The following ERC2 variants were observed in gnomAD, a reference collection of about 807,000 sequenced individuals.
ERC2 encodes ELKS/RAB6-interacting/CAST family member 2, also known as ERC protein 2.
Under a neutral mutation model 114.8 loss-of-function variants are expected in ERC2, and 42 were observed. That is an observed-to-expected ratio of 0.37 (90% CI 0.29 to 0.47). The LOEUF (loss-of-function observed/expected upper bound fraction) is 0.47. Among genes scored for constraint, ERC2 ranks in the 20% least tolerant of loss-of-function variants. ERC2 has a pLI of 0.99. For synonymous variants in ERC2, 454 were observed against 425.5 expected (o/e 1.07, Z -0.82); for missense variants, 939 against 1,150.7 (o/e 0.82, Z 2.66).
intron 3 of ERC2, among the ~76,000 whole-genome samples, chr3:56,229,030 A>G (rs1342008818): frequency 6.6e-6 from 1 of 152,180 alleles, no homozygotes; most frequent in Non-Finnish European, 1.5e-5. Flanking sequence ...GCATAATTTT[A>G]CAGAATGCTT....
At chr3:55,881,709 T>A (rs986102248) in intron 14 of ERC2, among the ~76,000 whole-genome samples, 38 of 152,212 alleles carry the variant, frequency 2.5e-4, no homozygotes, top group African/African-American at 8.9e-4. Flanking sequence ...CTTTTGTTAC[T>A]GGAATGTAAG....
chr3:55,864,401 A>G (rs1217601335), intron 14 of ERC2, among the ~76,000 whole-genome samples: 1 of 151,748 alleles, frequency 6.6e-6, no homozygotes, highest in Non-Finnish European at 1.5e-5. Flanking sequence ...AAAGATTTCA[A>G]GAGAGGAGTT....
intron 17 of ERC2, among the ~76,000 whole-genome samples, chr3:55,593,199 A>T (rs2057979648): frequency 6.6e-6 from 1 of 152,182 alleles, no homozygotes. Context: ...GTGGGAGAAG[A>T]CACTGTGTTT....
intron 3 of ERC2, among the ~76,000 whole-genome samples, chr3:56,222,389 G>A (rs1462782384): frequency 6.6e-6 from 1 of 152,106 alleles, no homozygotes; most frequent in East Asian, 1.9e-4. Flanking sequence ...TGCAGAGAAT[G>A]TCCCCCTTCA....
intron 7 of ERC2, among the ~76,000 whole-genome samples, chr3:56,025,386 T>C (rs2073975926): frequency 6.6e-6 from 1 of 152,174 alleles, no homozygotes; most frequent in South Asian, 2.1e-4. Flanking sequence ...CTCACAAAGC[T>C]AATATAAAGG....
chr3:55,596,473 G>T (rs1417140214), intron 17 of ERC2, among the ~76,000 whole-genome samples: 1 of 152,164 alleles, frequency 6.6e-6, no homozygotes, highest in Non-Finnish European at 1.5e-5. Flanking sequence ...CAGCAACTTG[G>T]GAGGCTGAGG....
intron 17 of ERC2, among the ~76,000 whole-genome samples, chr3:55,672,438 G>A (rs1031715398): frequency 6.6e-6 from 1 of 151,872 alleles, no homozygotes; most frequent in Non-Finnish European, 1.5e-5. Context: ...AGCTGGCCAA[G>A]AGTCACATGT....
At chr3:55,518,257 G>A (rs1053963019) in intron 17 of ERC2, among the ~76,000 whole-genome samples, 2 of 152,174 alleles carry the variant, frequency 1.3e-5, no homozygotes, top group African/African-American at 4.8e-5. Flanking sequence ...TGGTAGATAT[G>A]TACAGTATAT....
At chr3:55,955,844 G>A (rs186086798) in intron 12 of ERC2, among the ~76,000 whole-genome samples, 2 of 152,314 alleles carry the variant, frequency 1.3e-5, no homozygotes, top group Admixed American at 6.5e-5. Context: ...GGAGAGCAGT[G>A]GCTAAACCTC....
chr3:56,428,558 A>AGGGAGGGAAGGAGG (rs1553627247), intron 2 of ERC2, among the ~76,000 whole-genome samples: 1 of 64,258 alleles, frequency 1.6e-5, no homozygotes, highest in Non-Finnish European at 3.1e-5. Context: ...GAAGGAAGGG[A>AGGGAGGGAAGGAGG]GGGAGGGAGG....
chr3:56,213,976 A>G (rs1406394741), intron 3 of ERC2, among the ~76,000 whole-genome samples: 1 of 152,226 alleles, frequency 6.6e-6, no homozygotes, highest in Non-Finnish European at 1.5e-5. Context: ...ACAAACAGAA[A>G]GGACATCCAC....
intron 6 of ERC2, among the ~76,000 whole-genome samples, chr3:56,108,412 T>C (rs2078783646): frequency 6.6e-6 from 1 of 152,166 alleles, no homozygotes. Flanking sequence ...AAAGATAATA[T>C]TATTTGCCTT....
chr3:55,729,867 T>TAAAAAAAAAA lies in ERC2; in HGVS notation c.2712+4903_2712+4904insTTTTTTTTTT, dbSNP rs2065148489. Among the ~76,000 whole-genome samples, 3 of 42,012 alleles carry TAAAAAAAAAA rather than the reference T, an allele frequency of 7.1e-5. 1 individual carries two copies. The highest frequency in any genetic ancestry group is 3.2e-4 in the African/African-American group (3 of 9,352). 27.6% of individuals were successfully genotyped at this position (42,012 alleles called of 152,430 possible). ...AAAAAAAAAAAAAAAAAAAAAAAAT[T>TAAAAAAAAAA]GTAAGCTACACAAGGAAGCGGTCTT... On this transcript the variant is annotated intron_variant, in intron 15 of 17. Transcript: ENST00000288221.
intron 13 of ERC2, among the ~76,000 whole-genome samples, chr3:55,941,302 C>T (rs1242375871): frequency 6.6e-6 from 1 of 152,156 alleles, no homozygotes. Flanking sequence ...ATGCACTGCC[C>T]TGATGCCCCT....
chr3:55,578,999 G>T (rs2057125304), intron 17 of ERC2, among the ~76,000 whole-genome samples: 1 of 152,200 alleles, frequency 6.6e-6, no homozygotes, highest in South Asian at 2.1e-4. Flanking sequence ...CTTAGGCTGG[G>T]AAGTGGCGTA....
chr3:55,614,762 G>A lies in ERC2; in HGVS notation c.*39+69032C>T, dbSNP rs569481194. Among the ~76,000 whole-genome samples, 3 of 152,236 alleles carry A rather than the reference G, an allele frequency of 2.0e-5. No homozygotes were observed. In the South Asian group the frequency reaches 6.2e-4, roughly 32 times the overall value. On this transcript the variant is annotated intron_variant, in intron 17 of 17. Transcript: ENST00000288221. ...CCAGTATTATCATCCTCATTTTTTA[G>A]AAGAAAAGACTGAGCGGGGAAAAAA... is the stretch of plus-strand genomic sequence containing the variant.
At chr3:56,292,165 C>A (rs1379535109) in intron 3 of ERC2, among the ~76,000 whole-genome samples, 3 of 152,152 alleles carry the variant, frequency 2.0e-5, no homozygotes, top group African/African-American at 7.2e-5. Flanking sequence ...GAGACTGTAA[C>A]TCTGTGGAAT....
chr3:56,298,503 A>G (rs1187002452), intron 2 of ERC2, among the ~76,000 whole-genome samples: 1 of 152,210 alleles, frequency 6.6e-6, no homozygotes, highest in Admixed American at 6.5e-5. Context: ...GAAATCTAGT[A>G]TATCAATTTA....
chr3:55,545,989 G>C (rs942107172), intron 17 of ERC2, among the ~76,000 whole-genome samples: 3 of 152,212 alleles, frequency 2.0e-5, no homozygotes, highest in African/African-American at 7.2e-5. Flanking sequence ...AATGCTGTGA[G>C]AAGAGAATAC....
Sources: allele counts gnomAD v4.1 joint callset (sites outside exome capture counted in the v4.1 genomes callset), GRCh38; gene constraint gnomAD v4.1.1; transcripts MANE v1.5; gene names NCBI Gene and HGNC (gene_info 2026-07-23, HGNC 2026-07-21).